Variants in MYO15A observed in about 807,000 individuals in gnomAD.
The protein encoded by MYO15A is unconventional myosin-XV.
In MYO15A, 308 loss-of-function variants were observed where a neutral mutation model predicts 394.6. The observed-to-expected ratio is 0.78, with a 90% CI of 0.71 to 0.86. The LOEUF is 0.86. Among genes scored for constraint, MYO15A ranks in the 40% least tolerant of loss-of-function variants. The probability of loss-of-function intolerance (pLI) is 0.00; values close to 1 mark genes in which losing one functional copy is unlikely to be tolerated. For synonymous variants in MYO15A, 1,957 were observed against 2,003.8 expected (o/e 0.98, Z 0.62); for missense variants, 4,606 against 4,799.1 (o/e 0.96, Z 1.19).
rs1374318836 is a variant in MYO15A at position 18,158,558 on chromosome 17, G to T, written c.9003G>T (p.Gly3001=). 1.2e-6 allele frequency: 2 copies of T among 1,614,034 alleles called. No individual in the cohort carries two copies. The highest frequency in any genetic ancestry group is 1.7e-6 in the Non-Finnish European group (2 of 1,180,016). ...PPVRARSADH[G]EDALALPPYT... is the part of the protein sequence containing the mutation. ...TCAGGGCCCGCTCTGCTGACCATGG[G>T]GAGGACGCCCTGGCGCTCCCACCCT... The change falls in exon 52 of 66, where the codon GGG becomes GGT. Residue 3001 remains glycine (G), a synonymous_variant. Transcript: ENST00000647165.
At chr17:18,168,067 C>A (rs756163246) in intron 62 of MYO15A, among the ~76,000 whole-genome samples, 11 of 152,236 alleles carry the variant, frequency 7.2e-5, no homozygotes, top group Non-Finnish European at 1.6e-4. Context: ...CACTGCAATG[C>A]TGCTACAAGA....
intron 50 of MYO15A, 146 bp downstream of exon 50, chr17:18,157,376 A>G: frequency 8.5e-7 from 1 of 1,180,380 alleles, no homozygotes; most frequent in Non-Finnish European, 1.2e-6. Flanking sequence ...GCCTGTCAGT[A>G]TCTGTTGGTG....
chr17:18,140,727 C>T, intron 20 of MYO15A, 60 bp from the exon 21 acceptor site: 1 of 1,614,126 alleles, frequency 6.2e-7, no homozygotes, highest in Non-Finnish European at 8.5e-7. Context: ...TCATGACCCT[C>T]AGAGGTTGAG....
At chr17:18,114,911 G>A (rs1297282664) in intron 1 of MYO15A, among the ~76,000 whole-genome samples, 1 of 152,060 alleles carries the variant, frequency 6.6e-6, no homozygotes, top group Non-Finnish European at 1.5e-5. Context: ...CTCCAGAGCT[G>A]TGGCTTCAAT....
Position 18,150,310 on chromosome 17 carries a change from G to A in MYO15A, c.7213-119G>A. On this transcript the variant is annotated intron_variant, in intron 35 of 65. Coordinates refer to ENST00000647165, the MANE Select transcript of MYO15A (RefSeq NM_016239.4). This position sits in a 1 kb window ranked among gnomAD's most constrained non-coding sequence, Gnocchi z 4.4. The stretch of plus-strand genomic sequence containing the variant: ...TGAGCATACAGCAGACACTGAGCCA[G>A]TGGGAGGCTGCCCCCTCCCACGAGA... 1.2e-6 allele frequency: 1 copy of A among 868,630 alleles called. No homozygotes were observed. Among genetic ancestry groups the A allele is most frequent in the South Asian group, 1.4e-5 (1 of 72,128 alleles). The allele number at this position is 868,630 out of a possible 1,614,324, so 53.8% of individuals were successfully genotyped here. A position where few individuals can be genotyped will look rare whatever the true frequency, so the allele number is the denominator to read the frequency against.
At position 18,163,773 on chromosome 17, in the gene MYO15A, C is replaced by T. The variant is rs766226359; in HGVS notation, c.9722C>T (p.Ala3241Val). The T allele has an allele frequency of 4.3e-6, 7 of 1,613,930 alleles. No individual in the cohort carries two copies. The Admixed American group carries it at 8.3e-5, about 19-fold the overall frequency. ...CTGGACGTGGTGGAAGAGATATGTGCTGAGATGGCTCTGACACGCCCTGAG... is the reference window on the plus strand; with the variant it reads ...CTGGACGTGGTGGAAGAGATATGTGTTGAGATGGCTCTGACACGCCCTGAG... The part of the protein sequence containing the change: ...VALDVVEEIC[A>V]EMALTRPEAF... Residue 3241 changes from alanine (A) to valine (V), a missense_variant, in exon 60 of 66, where the codon GCT becomes GTT. Physicochemically the swap from Ala to Val is moderately conservative, Grantham distance 64. Around this residue, in one of 2 missense-constraint regions of MYO15A, gnomAD observed 2,776 missense variants for 3,109.3 expected, o/e 0.89. Transcript: ENST00000647165.
In MYO15A at chr17:18,141,678, C is replaced by T; in HGVS notation, c.5557C>T (p.His1853Tyr). ...DRYCCLVALK[H>Y]DLPANGDMCV... is the part of the protein sequence containing the mutation. ...GTACTGCTGTCTAGTGGCCCTCAAG[C>T]ATGACCTGCCGGCTAATGGGGACAT... Residue 1853 changes from histidine (H) to tyrosine (Y), a missense_variant, in exon 23 of 66, where the codon CAT becomes TAT. His to Tyr is a moderately conservative substitution (Grantham distance 83). This residue lies in a region of MYO15A where 2,776 missense variants were observed against 3,109.3 expected (regional missense o/e 0.89). Transcript: ENST00000647165. 6.2e-7 allele frequency: 1 copy of T among 1,614,128 alleles called. No homozygotes were observed. Among genetic ancestry groups the T allele is most frequent in the Non-Finnish European group, 8.5e-7 (1 of 1,180,030 alleles).
chr17:18,114,355 G>A (rs891634409), intron 1 of MYO15A, among the ~76,000 whole-genome samples: 2 of 143,136 alleles, frequency 1.4e-5, no homozygotes, highest in African/African-American at 2.6e-5. Context: ...AGGTTCAAGT[G>A]ATTCTCCTGC....
chr17:18,126,321 C>A (rs767709338), intron 4 of MYO15A, 26 bp from the exon 5 acceptor site: 17 of 1,600,166 alleles, frequency 1.1e-5, no homozygotes, highest in Middle Eastern at 1.7e-4. Context: ...GGAGCCACGA[C>A]GCTGAGGCCA....
chr17:18,151,809 T>G (rs1039247356), intron 40 of MYO15A, 37 bp from the exon 41 acceptor site: 1 of 1,532,678 alleles, frequency 6.5e-7, no homozygotes, highest in African/African-American at 1.4e-5. Flanking sequence ...AAAGGGAGAC[T>G]CAGTGTCAAC....
At chr17:18,142,930 A>G in intron 25 of MYO15A, 90 bp downstream of exon 25, 1 of 1,254,774 alleles carries the variant, frequency 8.0e-7, no homozygotes, top group Admixed American at 2.0e-5. Flanking sequence ...GGCCTCAGGC[A>G]GTCTTGGGTT....
In MYO15A at chr17:18,117,340, A is replaced by T. The variant is rs896589835; in HGVS notation, c.-219-1242A>T. On this transcript the variant is annotated intron_variant, in intron 1 of 65. Transcript: ENST00000647165. The surrounding 1 kb of genome is among the most constrained non-coding windows in gnomAD (Gnocchi z 4.1). Reference sequence around the variant, plus strand: ...GGTCCCCTCTCTGCTCCTGCCACTTACCTGGGAAGGCCTCACCCTGTCCCT... The same window carrying T: ...GGTCCCCTCTCTGCTCCTGCCACTTTCCTGGGAAGGCCTCACCCTGTCCCT... Among the ~76,000 whole-genome samples the T allele has an allele frequency of 3.3e-5, 5 of 152,264 alleles. No individual in the cohort carries two copies. The highest frequency in any genetic ancestry group is 7.3e-5 in the Non-Finnish European group (5 of 68,048).
At position 18,161,318 on chromosome 17, in the gene MYO15A, G is replaced by C. The variant is rs779074129; in HGVS notation, c.9388G>C (p.Asp3130His). The C allele has an allele frequency of 6.2e-7, 1 of 1,613,676 alleles. No individual in the cohort carries two copies. The highest frequency in any genetic ancestry group is 1.3e-5 in the African/African-American group (1 of 74,912). Reference sequence around the variant, plus strand: ...TGTAGCCCCCATGTGTCCTTGCAGGGACAGCTGCCAGCGAGGCTGGAGGCT... The same window carrying C: ...TGTAGCCCCCATGTGTCCTTGCAGGCACAGCTGCCAGCGAGGCTGGAGGCT... ...QITDNTSSKQ[D>H]SCQRGWRLLY... is the part of the protein sequence containing the mutation. Residue 3130 changes from aspartate to histidine, a missense_variant and splice_region_variant, in exon 57 of 66, where the codon GAC becomes CAC. Physicochemically the swap from Asp to His is moderately conservative, Grantham distance 81. Coordinates refer to ENST00000647165, the MANE Select transcript of MYO15A (RefSeq NM_016239.4).
rs1408708892 is a variant in MYO15A, at chr17:18,132,619, C to T, written c.4320+53C>T. On this transcript the variant is annotated intron_variant, in intron 11 of 65. Transcript: ENST00000647165. This position sits in a 1 kb window ranked among gnomAD's most constrained non-coding sequence, Gnocchi z 4.6. ...CCTGGCCCTGGTCCTCCCACCCCGA[C>T]GCCCCTGGCTGGGCCTTGGGAGCCG... The T allele has an allele frequency of 3.3e-5, 49 of 1,494,268 alleles. No individual in the cohort carries two copies. The South Asian group carries it at 3.5e-4, about 11-fold the overall frequency. The allele number at this position is 1,494,268 out of a possible 1,614,324, so 92.6% of individuals were successfully genotyped here.
Position 18,120,987 on chromosome 17 carries a change from G to T in MYO15A, c.2187G>T (p.Pro729=), listed in dbSNP as rs1421202932. ...TCGTGGAGCCCCCTGCCGTGAGCCC[G>T]GAGGTGCCCCCCGACCTACTAGCCT... The part of the protein sequence containing the change: ...WAFVEPPAVS[P]EVPPDLLAFP... The change falls in exon 2 of 66, where the codon CCG becomes CCT. Residue 729 remains proline (P), a synonymous_variant. Coordinates refer to ENST00000647165, the MANE Select transcript of MYO15A (RefSeq NM_016239.4). 3.4e-5 allele frequency: 51 copies of T among 1,502,704 alleles called. No homozygotes were observed. The highest frequency in any genetic ancestry group is 4.4e-5 in the Non-Finnish European group (50 of 1,131,148). The allele number at this position is 1,502,704 out of a possible 1,614,324, so 93.1% of individuals were successfully genotyped here. A position where few individuals can be genotyped will look rare whatever the true frequency, so the allele number is the denominator to read the frequency against.
intron 30 of MYO15A, 124 bp downstream of exon 30, chr17:18,146,231 G>T (rs1166464165): frequency 2.0e-5 from 20 of 988,178 alleles, no homozygotes; most frequent in Non-Finnish European, 3.1e-5. Flanking sequence ...AGGCATGGAG[G>T]CTGGCCAGGG....
At chr17:18,176,116 T>G (rs2047010303) in intron 65 of MYO15A, among the ~76,000 whole-genome samples, 1 of 152,236 alleles carries the variant, frequency 6.6e-6, no homozygotes, top group Non-Finnish European at 1.5e-5. Flanking sequence ...ACTTATGGCT[T>G]GGAAATCATT....
rs1329626736 is a variant in MYO15A, at chr17:18,121,096, C to A, written c.2296C>A (p.Arg766=). The change falls in exon 2 of 66, where the codon CGG becomes AGG. Residue 766 remains arginine, a synonymous_variant. Transcript: ENST00000647165. This position sits in a 1 kb window ranked among gnomAD's most constrained non-coding sequence, Gnocchi z 5.3. ...GFPGASPRAS[R]RRAWSPLASP... ...CCCCGGGGCCTCTCCACGGGCGTCG[C>A]GGAGGCGAGCTTGGTCACCGCTGGC... 5 of 1,502,782 alleles carry A rather than the reference C, an allele frequency of 3.3e-6. No homozygotes were observed. In the South Asian group the frequency reaches 6.2e-5, roughly 19 times the overall value. 93.1% of individuals were successfully genotyped at this position (1,502,782 alleles called of 1,614,324 possible).
intron 25 of MYO15A, among the ~76,000 whole-genome samples, 157 bp from the exon 26 acceptor site, chr17:18,143,409 C>T (rs1045682140): frequency 3.9e-5 from 6 of 152,198 alleles, no homozygotes; most frequent in Non-Finnish European, 5.9e-5. Context: ...CTCAGCCTCC[C>T]GCCCCACCTG....
Sources: allele counts gnomAD v4.1 joint callset (sites outside exome capture counted in the v4.1 genomes callset), GRCh38; gene constraint gnomAD v4.1.1; regional missense constraint gnomAD v4.1.1; non-coding constraint Gnocchi (gnomAD v3.1); transcripts MANE v1.5; gene names NCBI Gene and HGNC (gene_info 2026-07-23, HGNC 2026-07-21).